The following METTL21A variants were observed in gnomAD, a reference collection of about 807,000 sequenced individuals.
METTL21A encodes the protein protein N-lysine methyltransferase METTL21A.
A neutral mutation model predicts 20.9 loss-of-function variants in METTL21A; 22 were observed. The observed-to-expected ratio is 1.05, with a 90% CI of 0.75 to 1.50. METTL21A has a LOEUF of 1.50. METTL21A is among the 40% of genes most tolerant of loss of function. The pLI is 0.00. For missense variants in METTL21A, 271 were observed against 266.8 expected, an observed-to-expected ratio of 1.02 and a Z score of -0.11; for synonymous variants, 93 against 102.0, an observed-to-expected ratio of 0.91 and a Z score of 0.53.
intron 3 of METTL21A, chr2:207,597,447 T>C (rs999543414): frequency 4.3e-5 from 10 of 233,690 alleles, no homozygotes; most frequent in Non-Finnish European, 4.2e-5. Context: ...TACCCCAGCC[T>C]CTTGAGCTGA....
At chr2:207,582,918 A>ATATAT (rs35896795) in intron 3 of METTL21A, 72 of 258,340 alleles carry the variant, frequency 2.8e-4, no homozygotes, top group Non-Finnish European at 4.1e-4. Context: ...AACAAAAAAA[A>ATATAT]ATATATATAT....
intron 3 of METTL21A, among the ~76,000 whole-genome samples, chr2:207,594,394 C>T (rs1340111003): frequency 1.3e-5 from 2 of 152,158 alleles, no homozygotes; most frequent in Non-Finnish European, 2.9e-5. Context: ...CTCGTTCCCC[C>T]AGCCCCTGGC....
exon 4 of METTL21A, chr2:207,613,183 G>T (rs192886645): frequency 6.2e-7 from 1 of 1,613,934 alleles, no homozygotes; most frequent in Non-Finnish European, 8.5e-7. Context: ...TAGCGAATTC[G>T]GCATGCTAAA....
chr2:207,596,152 T>C (rs1340415572), intron 3 of METTL21A, among the ~76,000 whole-genome samples: 3 of 152,202 alleles, frequency 2.0e-5, no homozygotes, highest in Non-Finnish European at 4.4e-5. Flanking sequence ...GTGTACAACA[T>C]AAGGTGCGGC....
intron 3 of METTL21A, among the ~76,000 whole-genome samples, chr2:207,617,205 T>A (rs974594709): frequency 2.0e-5 from 3 of 152,234 alleles, no homozygotes; most frequent in Admixed American, 2.0e-4. Flanking sequence ...GCACATACTA[T>A]GTGCTAGAGA....
chr2:207,590,153 G>T (rs1439270699), intron 3 of METTL21A, among the ~76,000 whole-genome samples: 1 of 113,792 alleles, frequency 8.8e-6, no homozygotes. Flanking sequence ...AGTGAGTTTT[G>T]GAAGTTTGTG....
chr2:207,584,085 G>C (rs1283568746), intron 3 of METTL21A, among the ~76,000 whole-genome samples: 1 of 152,196 alleles, frequency 6.6e-6, no homozygotes, highest in East Asian at 1.9e-4. Context: ...TTTCATCCCA[G>C]TTATTTCCAG....
intron 3 of METTL21A, chr2:207,582,821 A>C: frequency 3.0e-6 from 1 of 328,784 alleles, no homozygotes; most frequent in South Asian, 2.3e-5. Flanking sequence ...CGAACCTGGG[A>C]GGTGGAAGTT....
intron 3 of METTL21A, among the ~76,000 whole-genome samples, chr2:207,619,692 T>C (rs969615109): frequency 5.9e-5 from 9 of 152,130 alleles, no homozygotes; most frequent in Non-Finnish European, 1.3e-4. Context: ...CATACCAAAA[T>C]GCTAATGGTA....
At chr2:207,608,492 T>G (rs947885541), downstream of METTL21A, among the ~76,000 whole-genome samples, 2 of 152,156 alleles carry the variant, frequency 1.3e-5, no homozygotes, top group African/African-American at 4.8e-5. Context: ...TTTCTGATTC[T>G]TAATGTTTTA....
rs75994002 is a variant in METTL21A at position 207,615,052 on chromosome 2, T to C, written c.260-1609A>G. 5.2e-3 allele frequency among the ~76,000 whole-genome samples: 795 copies of C among 152,342 alleles called. 4 individuals carry two copies. The Middle Eastern group carries it at 0.058, about 11-fold the overall frequency. ...TGACATTTACAGTCCTACTATGAGA[T>C]ACTGATGAAAATGCTCAAGTTGTTA... is the stretch of plus-strand genomic sequence containing the variant. On this transcript the variant is annotated intron_variant, in intron 3 of 3. Transcript: ENST00000406927.
intron 3 of METTL21A, among the ~76,000 whole-genome samples, chr2:207,618,710 A>G (rs2090098707): frequency 6.6e-6 from 1 of 152,050 alleles, no homozygotes; most frequent in African/African-American, 2.4e-5. Context: ...TCCATCTCAA[A>G]AACAACAACA....
At chr2:207,622,714 G>T (rs1401735777) in intron 2 of METTL21A, among the ~76,000 whole-genome samples, 1 of 152,170 alleles carries the variant, frequency 6.6e-6, no homozygotes, top group East Asian at 1.9e-4. Context: ...GGCATCAGAA[G>T]GTAAGTTTTG....
downstream of METTL21A, among the ~76,000 whole-genome samples, chr2:207,608,835 G>A (rs1234183262): frequency 6.6e-6 from 1 of 152,210 alleles, no homozygotes; most frequent in Non-Finnish European, 1.5e-5. Flanking sequence ...GCTGAGCCAG[G>A]AGAATGGCGT....
intron 3 of METTL21A, among the ~76,000 whole-genome samples, chr2:207,595,957 C>T (rs573327668): frequency 6.6e-6 from 1 of 152,214 alleles, no homozygotes; most frequent in African/African-American, 2.4e-5. Context: ...TATTGTCTTT[C>T]GATGTGCAGA....
intron 2 of METTL21A, among the ~76,000 whole-genome samples, chr2:207,622,616 A>C (rs756793274): frequency 1.3e-5 from 2 of 152,246 alleles, no homozygotes; most frequent in Non-Finnish European, 2.9e-5. Flanking sequence ...AACTTCACCC[A>C]TAGGGAAAAA....
intron 3 of METTL21A, among the ~76,000 whole-genome samples, chr2:207,591,093 A>G (rs1324947277): frequency 6.6e-6 from 1 of 152,220 alleles, no homozygotes; most frequent in East Asian, 1.9e-4. Flanking sequence ...ATTATCAAGT[A>G]TCATATCAAT....
In METTL21A at chr2:207,592,896, A is replaced by G. The variant is rs190503491; in HGVS notation, c.260-10736T>C. Among the ~76,000 whole-genome samples the G allele has an allele frequency of 6.2e-3, 946 of 151,386 alleles. 10 individuals carry two copies. The highest frequency in any genetic ancestry group is 0.021 in the African/African-American group (879 of 40,908). ...CCACTGCACTCCAGCCTGGCGACAG[A>G]GCAAGACTCCATCTCAAAAAAGAAA... On this transcript the variant is annotated intron_variant, in intron 3 of 3. Coordinates refer to the METTL21A transcript ENST00000425132.
intron 3 of METTL21A, chr2:207,582,256 A>ATATATTCT: frequency 1.5e-6 from 1 of 679,348 alleles, no homozygotes; most frequent in Non-Finnish European, 2.7e-6. Flanking sequence ...GGCTATGCAG[A>ATATATTCT]TATATTCTTT....
Sources: gnomAD v4.1 joint callset for allele counts (sites outside exome capture counted in the v4.1 genomes callset) on GRCh38, gnomAD v4.1.1 for gene constraint, MANE v1.5 for transcripts, NCBI Gene and HGNC (gene_info 2026-07-23, HGNC 2026-07-21) for gene names.